Variants in PTPRD observed in about 807,000 individuals in gnomAD.
PTPRD encodes protein tyrosine phosphatase receptor type D, also known as receptor-type tyrosine-protein phosphatase delta.
In PTPRD, 34 loss-of-function variants were observed where a neutral mutation model predicts 214.5. The observed-to-expected ratio is 0.16, with a 90% CI of 0.12 to 0.21. PTPRD has a LOEUF of 0.21. Among genes scored for constraint, PTPRD ranks in the 10% least tolerant of loss-of-function variants. The pLI, the probability that PTPRD is intolerant of heterozygous loss-of-function variation, is 1.00. For missense variants in PTPRD, 2,545 were observed against 2,398.7 expected (o/e 1.06, Z -1.27); for synonymous variants, 1,128 against 845.7 (o/e 1.33, Z -5.79).
chr9:8,523,614 T>C, intron 18 of PTPRD, 90 bp from the exon 19 acceptor site: 4 of 1,397,480 alleles, frequency 2.9e-6, no homozygotes, highest in Non-Finnish European at 4.0e-6. Flanking sequence ...AAAGGCCATA[T>C]CAAGGCTTTC....
Position 8,942,107 on chromosome 9 carries a change from A to G in PTPRD, c.-104+76590T>C, listed in dbSNP as rs1315014336. ...AGGCGTGAGCCACTGCGCCTGGCCT[A>G]TAATAAAGGTCTTAATGCAACCTGC... On this transcript the variant is annotated intron_variant, in intron 11 of 45. Coordinates refer to ENST00000381196, the MANE Select transcript of PTPRD (RefSeq NM_002839.4). 4.6e-5 allele frequency among the ~76,000 whole-genome samples: 7 copies of G among 152,142 alleles called. No homozygotes were observed. In the South Asian group the frequency reaches 8.3e-4, roughly 18 times the overall value.
At chr9:8,649,987 G>C (rs964902559) in intron 12 of PTPRD, among the ~76,000 whole-genome samples, 1 of 152,008 alleles carries the variant, frequency 6.6e-6, no homozygotes, top group South Asian at 2.1e-4. Context: ...GCATAATCAT[G>C]GTTCACTGCA....
At chr9:10,085,240 T>A (rs1468738712) in intron 3 of PTPRD, among the ~76,000 whole-genome samples, 3 of 151,892 alleles carry the variant, frequency 2.0e-5, no homozygotes, top group Non-Finnish European at 2.9e-5. Context: ...ACACGCCTTC[T>A]CAACTGACGT....
At chr9:9,608,183 T>TA (rs1468222340) in intron 7 of PTPRD, among the ~76,000 whole-genome samples, 1 of 152,118 alleles carries the variant, frequency 6.6e-6, no homozygotes, top group Non-Finnish European at 1.5e-5. Context: ...AATCACCTCA[T>TA]ATGAGGTACA....
chr9:10,575,146 T>A (rs1369764213), intron 2 of PTPRD, among the ~76,000 whole-genome samples: 1 of 152,018 alleles, frequency 6.6e-6, no homozygotes, highest in African/African-American at 2.4e-5. Context: ...AATAATTTTC[T>A]TCCCAATTAT....
At chr9:9,041,293 A>G (rs10739182) in intron 10 of PTPRD, among the ~76,000 whole-genome samples, 51,078 of 151,808 alleles carry the variant, frequency 0.34, 8,958 homozygotes, top group East Asian at 0.53. Flanking sequence ...GGTTTACTGT[A>G]CAGATTATTT....
intron 2 of PTPRD, among the ~76,000 whole-genome samples, chr9:10,448,078 C>T (rs1270716654): frequency 6.6e-6 from 1 of 151,940 alleles, no homozygotes; most frequent in Non-Finnish European, 1.5e-5. Context: ...GGAAACTGAG[C>T]CCCAAATATA....
chr9:10,602,537 T>C (rs2078250260), intron 2 of PTPRD, among the ~76,000 whole-genome samples: 1 of 151,760 alleles, frequency 6.6e-6, no homozygotes, highest in Admixed American at 6.6e-5. Flanking sequence ...ATGCTAGATA[T>C]AAGAACAGTG....
In PTPRD at chr9:10,189,725, G is replaced by A. The variant is rs77369293; in HGVS notation, c.-545+151238C>T. Among the ~76,000 whole-genome samples the A allele has an allele frequency of 6.6e-3, 999 of 152,136 alleles. 10 individuals are homozygous for A. Among genetic ancestry groups the A allele is most frequent in the African/African-American group, 0.023 (955 of 41,516 alleles). On this transcript the variant is annotated intron_variant, in intron 3 of 45. Transcript: ENST00000381196. ...AATATTTTAAAAGGGCAATTACAAG[G>A]CACTATAAGAAAATACAGAAGTATA...
chr9:9,666,939 G>T (rs2096734452), intron 7 of PTPRD, among the ~76,000 whole-genome samples: 1 of 151,880 alleles, frequency 6.6e-6, no homozygotes, highest in African/African-American at 2.4e-5. Flanking sequence ...TGGGTTATAG[G>T]AACTACTGAT....
At chr9:8,929,542 C>T (rs1289787548) in intron 11 of PTPRD, among the ~76,000 whole-genome samples, 1 of 151,782 alleles carries the variant, frequency 6.6e-6, no homozygotes, top group African/African-American at 2.4e-5. Flanking sequence ...ATGAAGCCGA[C>T]TTGATCGTGG....
At chr9:10,006,453 T>G (rs1219659624) in intron 4 of PTPRD, among the ~76,000 whole-genome samples, 7 of 152,008 alleles carry the variant, frequency 4.6e-5, no homozygotes, top group Non-Finnish European at 8.8e-5. Flanking sequence ...CCGTTACTTA[T>G]TCTTTATGAT....
chr9:8,793,119 TGCTTC>T (rs1170397565), intron 11 of PTPRD, among the ~76,000 whole-genome samples: 1 of 152,232 alleles, frequency 6.6e-6, no homozygotes, highest in Non-Finnish European at 1.5e-5. Flanking sequence ...CAATTATCCC[TGCTTC>T]CAACTATGCA....
intron 3 of PTPRD, among the ~76,000 whole-genome samples, chr9:10,096,378 C>T (rs2154207971): frequency 6.6e-6 from 1 of 151,966 alleles, no homozygotes; most frequent in South Asian, 2.1e-4. Flanking sequence ...AATGCTACTT[C>T]TCCACATCGT....
At chr9:10,166,355 T>C (rs1042102126) in intron 3 of PTPRD, among the ~76,000 whole-genome samples, 2 of 150,476 alleles carry the variant, frequency 1.3e-5, no homozygotes, top group African/African-American at 4.9e-5. Flanking sequence ...GCACTTGCTT[T>C]TTTCTGATGC....
At chr9:10,230,432 C>CTATG (rs369045996) in intron 3 of PTPRD, among the ~76,000 whole-genome samples, 5 of 103,532 alleles carry the variant, frequency 4.8e-5, no homozygotes, top group African/African-American at 1.5e-4. Context: ...ATCTATGTAT[C>CTATG]TATGTATCTA....
rs1450931315 is a variant in PTPRD at position 8,499,858 on chromosome 9, G to A, written c.2129-18C>T. ...ACTAGGAACTGGAACAACATCATTGGATAAAAGAAATTATAGGCACTTGTC... is the reference window on the plus strand; with the variant it reads ...ACTAGGAACTGGAACAACATCATTGAATAAAAGAAATTATAGGCACTTGTC... On this transcript the variant is annotated intron_variant, in intron 24 of 45. Transcript: ENST00000381196. 1.3e-6 allele frequency: 2 copies of A among 1,585,108 alleles called. No homozygotes were observed. Among genetic ancestry groups the A allele is most frequent in the East Asian group, 4.5e-5 (2 of 44,144 alleles).
chr9:9,522,809 G>C (rs199919364), intron 8 of PTPRD, among the ~76,000 whole-genome samples: 1 of 152,192 alleles, frequency 6.6e-6, no homozygotes, highest in Non-Finnish European at 1.5e-5. Flanking sequence ...AACAACTAGA[G>C]TGAGCAGCAT....
At chr9:8,638,004 T>C (rs1448852579) in intron 12 of PTPRD, among the ~76,000 whole-genome samples, 1 of 152,160 alleles carries the variant, frequency 6.6e-6, no homozygotes, top group African/African-American at 2.4e-5. Flanking sequence ...ATTTTAATTA[T>C]TTCTCCGACT....
Sources: gnomAD v4.1 joint callset for allele counts (sites outside exome capture counted in the v4.1 genomes callset) on GRCh38, gnomAD v4.1.1 for gene constraint, MANE v1.5 for transcripts, NCBI Gene and HGNC (gene_info 2026-07-23, HGNC 2026-07-21) for gene names.